SLC26A8: variants seen among roughly 807,000 people sequenced by gnomAD.
SLC26A8 encodes solute carrier family 26 member 8, also known as testis anion transporter 1.
In SLC26A8, 70 loss-of-function variants were observed where a neutral mutation model predicts 105.0. That is an observed-to-expected ratio of 0.67 (90% confidence interval 0.55 to 0.81). SLC26A8 has a LOEUF of 0.81. Among genes scored for constraint, SLC26A8 ranks in the 40% least tolerant of loss-of-function variants. The pLI, the probability that SLC26A8 is intolerant of heterozygous loss-of-function variation, is 0.00. For missense variants in SLC26A8, 998 were observed against 1,181.8 expected (o/e 0.84, Z 2.28); for synonymous variants, 415 against 438.3 (o/e 0.95, Z 0.66).
chr6:35,973,546 T>C (rs1004912385), intron 10 of SLC26A8, among the ~76,000 whole-genome samples: 4 of 152,104 alleles, frequency 2.6e-5, no homozygotes, highest in African/African-American at 9.7e-5. Flanking sequence ...TAAAATATTT[T>C]AGCGATTTTT....
chr6:35,944,519 AATAATT>A (rs1041837560), intron 19 of SLC26A8, among the ~76,000 whole-genome samples, 179 bp from the exon 20 acceptor site: 2 of 126,190 alleles, frequency 1.6e-5, no homozygotes, highest in African/African-American at 5.4e-5. Flanking sequence ...AAATAATAAT[AATAATT>A]ATAATTATTA....
chr6:35,968,609 G>GTGTGTGTGTGTATA (rs1168496588), intron 11 of SLC26A8, among the ~76,000 whole-genome samples: 1 of 60,090 alleles, frequency 1.7e-5, no homozygotes, highest in African/African-American at 5.2e-5. Context: ...GTGTGTGTGT[G>GTGTGTGTGTGTATA]TATATATATA....
chr6:36,005,824 G>C (rs1378148245), intron 3 of SLC26A8, among the ~76,000 whole-genome samples: 1 of 152,126 alleles, frequency 6.6e-6, no homozygotes, highest in Non-Finnish European at 1.5e-5. Context: ...TAGATTTTAT[G>C]TACAATTATT....
chr6:35,985,900 G>T (rs1459034618), intron 7 of SLC26A8, among the ~76,000 whole-genome samples: 1 of 149,944 alleles, frequency 6.7e-6, no homozygotes, highest in Non-Finnish European at 1.5e-5. Flanking sequence ...TTGTTTTTAA[G>T]AATTAACAAA....
chr6:35,959,505 A>G lies in SLC26A8; in HGVS notation c.1818T>C (p.Ile606=), dbSNP rs757293846. 5 of 1,613,866 alleles carry G rather than the reference A, an allele frequency of 3.1e-6. No individual in the cohort carries two copies. The African/African-American group carries it at 5.3e-5, about 17-fold the overall frequency. Residue 606 remains isoleucine (I), a synonymous_variant, in exon 16 of 20, where the codon ATT becomes ATC. Coordinates refer to ENST00000490799, the MANE Select transcript of SLC26A8 (RefSeq NM_052961.4). The part of the protein sequence containing the change: ...SSDTNLQGGK[I]CRCFCNCDDL... The stretch of plus-strand genomic sequence containing the variant: ...CATCACAGTTGCAGAAACACCTGCA[A>G]ATCTTTCCTCCTTGTAGATTGGTGT...
chr6:36,003,606 C>T (rs1242164503), intron 3 of SLC26A8, among the ~76,000 whole-genome samples: 1 of 152,032 alleles, frequency 6.6e-6, no homozygotes, highest in Admixed American at 6.6e-5. Flanking sequence ...ACCACCTCTC[C>T]CCACAGAAGG....
At chr6:36,009,418 T>A (rs1382722393) in intron 3 of SLC26A8, among the ~76,000 whole-genome samples, 1 of 151,790 alleles carries the variant, frequency 6.6e-6, no homozygotes, top group Non-Finnish European at 1.5e-5. Context: ...CGTCTATATG[T>A]GTAATAATAA....
rs1581651619 is a variant in SLC26A8, at chr6:35,975,476, T to C, written c.1186A>G (p.Ile396Val). The C allele has an allele frequency of 6.2e-7, 1 of 1,611,298 alleles. No homozygotes were observed. Among genetic ancestry groups the C allele is most frequent in the South Asian group, 1.1e-5 (1 of 90,918 alleles). Residue 396 changes from isoleucine to valine, a missense_variant, in exon 10 of 20, where the codon ATC (isoleucine) becomes GTC (valine). Coordinates refer to ENST00000490799, the MANE Select transcript of SLC26A8 (RefSeq NM_052961.4). ...SVNSNQDLIA[I>V]GLCNVVSSFF... ...GAACTGACGACATTGCAAAGGCCGA[T>C]GGCTATTAAATCCTGTAAAGAAACA...
chr6:35,955,136 C>T lies in SLC26A8; in HGVS notation c.2232+16G>A. Reference sequence around the variant, plus strand: ...AGGGGGATCAGAGCTCCTGCCAAGGCCTCCTCAGTACTTACCTGTCTTAAT... The same window carrying T: ...AGGGGGATCAGAGCTCCTGCCAAGGTCTCCTCAGTACTTACCTGTCTTAAT... On this transcript the variant is annotated intron_variant, in intron 17 of 19. Coordinates refer to ENST00000490799, the MANE Select transcript of SLC26A8 (RefSeq NM_052961.4). The T allele has an allele frequency of 1.2e-6, 2 of 1,613,912 alleles. No homozygotes were observed. The highest frequency in any genetic ancestry group is 1.3e-5 in the African/African-American group (1 of 74,994).
chr6:36,018,518 ATAGGGAAT>A (rs1267263904), intron 2 of SLC26A8, among the ~76,000 whole-genome samples: 1 of 152,218 alleles, frequency 6.6e-6, no homozygotes, highest in Non-Finnish European at 1.5e-5. Context: ...GGGTGGGGAA[ATAGGGAAT>A]TATTGCTTAA....
chr6:35,953,363 T>C (rs1562017637), intron 17 of SLC26A8, among the ~76,000 whole-genome samples: 1 of 150,756 alleles, frequency 6.6e-6, no homozygotes, highest in African/African-American at 2.5e-5. Context: ...AGAGAAAGTA[T>C]GATATAAAGT....
chr6:35,978,679 A>G (rs1773143612), intron 8 of SLC26A8, among the ~76,000 whole-genome samples: 1 of 152,178 alleles, frequency 6.6e-6, no homozygotes, highest in African/African-American at 2.4e-5. Context: ...ATATTTCCAC[A>G]AAGCAAATAA....
chr6:36,013,837 A>G (rs566114711), intron 2 of SLC26A8, among the ~76,000 whole-genome samples: 1 of 152,314 alleles, frequency 6.6e-6, no homozygotes, highest in East Asian at 1.9e-4. Flanking sequence ...ACAAAAAGTA[A>G]TTTTACTTAT....
At chr6:35,959,974 T>C (rs1772248288) in intron 14 of SLC26A8, 168 bp from the exon 15 acceptor site, 2 of 518,086 alleles carry the variant, frequency 3.9e-6, no homozygotes, top group Admixed American at 4.1e-5. Flanking sequence ...AATGGCGCGA[T>C]CTTGGCTCAC....
chr6:36,012,400 T>C, intron 2 of SLC26A8, 28 bp from the exon 3 acceptor site: 1 of 1,546,532 alleles, frequency 6.5e-7, no homozygotes, highest in Non-Finnish European at 8.7e-7. Flanking sequence ...AGAGACTTGG[T>C]TAGTTTCTCC....
intron 11 of SLC26A8, among the ~76,000 whole-genome samples, chr6:35,968,607 G>GTA (rs1462092309): frequency 0.021 from 973 of 46,604 alleles, 8 homozygotes; most frequent in Non-Finnish European, 0.026. Context: ...GTGTGTGTGT[G>GTA]TGTATATATA....
intron 5 of SLC26A8, among the ~76,000 whole-genome samples, chr6:35,993,188 G>GGTGT (rs1562054834): frequency 9.9e-6 from 1 of 100,610 alleles, no homozygotes; most frequent in Non-Finnish European, 2.1e-5. Flanking sequence ...ATAGAGATTG[G>GGTGT]AGGGGGGGGT....
rs1178880405 is a variant in SLC26A8 at position 35,944,536 on chromosome 6, T to TA, written c.2473-197dup. 3.4e-5 allele frequency among the ~76,000 whole-genome samples: 5 copies of TA among 147,756 alleles called. No homozygotes were observed. In the South Asian group the frequency reaches 8.4e-4, roughly 25 times the overall value. Reference sequence around the variant, plus strand: ...ATAATAATAATAATTATAATTATTATATAATAATAATAATTATTATTATTT... The same window carrying TA: ...ATAATAATAATAATTATAATTATTATAATAATAATAATAATTATTATTATTT... On this transcript the variant is annotated intron_variant, in intron 19 of 19. Transcript: ENST00000490799.
intron 9 of SLC26A8, among the ~76,000 whole-genome samples, chr6:35,976,708 T>G (rs1773049947): frequency 6.7e-6 from 1 of 148,590 alleles, no homozygotes; most frequent in Admixed American, 6.7e-5. Context: ...GCCCGGCTAA[T>G]TTTTTTTTTG....
Sources: gnomAD v4.1 joint callset for allele counts (sites outside exome capture counted in the v4.1 genomes callset) on GRCh38, gnomAD v4.1.1 for gene constraint, MANE v1.5 for transcripts, NCBI Gene and HGNC (gene_info 2026-07-23, HGNC 2026-07-21) for gene names.